Variants in CADM2 observed in about 807,000 individuals in gnomAD.
CADM2 encodes the protein immunoglobulin superfamily member 4D.
In CADM2, 12 loss-of-function variants were observed where a neutral mutation model predicts 49.8. That is an observed-to-expected ratio of 0.24 (90% CI 0.15 to 0.39). The LOEUF (loss-of-function observed/expected upper bound fraction) is 0.39, where lower values mean the gene tolerates loss of function less well. Ranked by LOEUF, CADM2 falls within the 10% of genes least tolerant of loss-of-function variation. The pLI, the probability that CADM2 is intolerant of heterozygous loss-of-function variation, is 1.00. For synonymous variants in CADM2, 214 were observed against 175.4 expected, an observed-to-expected ratio of 1.22 and a Z score of -1.74; for missense variants, 378 against 492.3, an observed-to-expected ratio of 0.77 and a Z score of 2.20.
intron 1 of CADM2, among the ~76,000 whole-genome samples, chr3:85,580,659 A>G (rs1040455271): frequency 3.9e-5 from 6 of 152,144 alleles, no homozygotes; most frequent in African/African-American, 1.4e-4. Flanking sequence ...CCTGGTATCA[A>G]ATAAAAGTCT....
intron 1 of CADM2, among the ~76,000 whole-genome samples, chr3:84,988,850 G>T: frequency 6.6e-6 from 1 of 152,018 alleles, no homozygotes; most frequent in African/African-American, 2.4e-5. Flanking sequence ...TTAAATAAAA[G>T]ATACAGCTAA....
intron 1 of CADM2, among the ~76,000 whole-genome samples, chr3:85,636,339 A>T (rs1344581600): frequency 6.6e-6 from 1 of 152,220 alleles, no homozygotes; most frequent in Non-Finnish European, 1.5e-5. Context: ...CTTAAAAAAT[A>T]AAAAGGTTAC....
At chr3:85,348,477 G>GA (rs2030998097) in intron 1 of CADM2, among the ~76,000 whole-genome samples, 1 of 152,132 alleles carries the variant, frequency 6.6e-6, no homozygotes, top group African/African-American at 2.4e-5. Context: ...TTTATCACAA[G>GA]AAAATTTATG....
chr3:85,312,183 A>G (rs1305515646), intron 1 of CADM2, among the ~76,000 whole-genome samples: 1 of 152,174 alleles, frequency 6.6e-6, no homozygotes, highest in African/African-American at 2.4e-5. Flanking sequence ...CTTCATTGTT[A>G]AAATACCAAT....
intron 1 of CADM2, among the ~76,000 whole-genome samples, chr3:85,217,486 T>C (rs1215194322): frequency 6.6e-6 from 1 of 152,074 alleles, no homozygotes; most frequent in Non-Finnish European, 1.5e-5. Flanking sequence ...TATTGTAATT[T>C]GTAATTGAAA....
At chr3:85,999,860 A>C (rs1729949863) in intron 8 of CADM2, among the ~76,000 whole-genome samples, 1 of 152,196 alleles carries the variant, frequency 6.6e-6, no homozygotes, top group Non-Finnish European at 1.5e-5. Flanking sequence ...ATGTTGTCTG[A>C]GAAGAAAATG....
chr3:85,987,778 AGTT>A, intron 8 of CADM2, among the ~76,000 whole-genome samples: 1 of 150,582 alleles, frequency 6.6e-6, no homozygotes, highest in South Asian at 2.1e-4. Flanking sequence ...GGCTAAAGTG[AGTT>A]ATTATTAATC....
At chr3:85,936,271 A>G (rs987999574) in intron 7 of CADM2, among the ~76,000 whole-genome samples, 3 of 151,868 alleles carry the variant, frequency 2.0e-5, no homozygotes, top group African/African-American at 7.2e-5. Context: ...TCATAAAAGG[A>G]AAATCGAATC....
intron 1 of CADM2, among the ~76,000 whole-genome samples, chr3:85,315,329 C>T (rs1042852283): frequency 1.3e-5 from 2 of 152,144 alleles, no homozygotes; most frequent in Admixed American, 6.5e-5. Flanking sequence ...ATCATCTTGA[C>T]GAATATATGT....
chr3:85,961,316 GTGAGTGTGTGA>G (rs1359847320), intron 7 of CADM2, among the ~76,000 whole-genome samples, 142 bp from the exon 8 acceptor site: 7 of 151,830 alleles, frequency 4.6e-5, no homozygotes, highest in African/African-American at 1.7e-4. Flanking sequence ...ACTCTTTTGA[GTGAGTGTGTGA>G]TGGTCCTTTT....
At chr3:86,062,783 A>C (rs1738832247) in intron 8 of CADM2, among the ~76,000 whole-genome samples, 1 of 151,884 alleles carries the variant, frequency 6.6e-6, no homozygotes, top group African/African-American at 2.4e-5. Flanking sequence ...CAAAACATAA[A>C]ACGAAACATA....
chr3:85,122,905 G>A (rs1363188544), intron 1 of CADM2, among the ~76,000 whole-genome samples: 13 of 151,968 alleles, frequency 8.6e-5, no homozygotes. Context: ...ATTCCTCTCA[G>A]AAAAGCTTCC....
intron 7 of CADM2, among the ~76,000 whole-genome samples, chr3:85,943,919 A>G (rs1231254893): frequency 6.6e-6 from 1 of 152,034 alleles, no homozygotes; most frequent in Non-Finnish European, 1.5e-5. Flanking sequence ...TTCACACATA[A>G]CAATATTAAC....
At chr3:85,273,323 A>G (rs1218990513) in intron 1 of CADM2, among the ~76,000 whole-genome samples, 1 of 151,334 alleles carries the variant, frequency 6.6e-6, no homozygotes, top group East Asian at 1.9e-4. Flanking sequence ...GCAGTGGAAG[A>G]TTTTGAATAG....
At chr3:85,200,981 A>C (rs1347100020) in intron 1 of CADM2, among the ~76,000 whole-genome samples, 1 of 152,182 alleles carries the variant, frequency 6.6e-6, no homozygotes, top group African/African-American at 2.4e-5. Context: ...TTACATGTGC[A>C]TAATTAAATA....
chr3:85,455,819 G>A lies in CADM2; in HGVS notation c.62-270703G>A, dbSNP rs147115860. ...AATTATGTGATTGGCTTCGGCATGG[G>A]CATGAGAAAGTGGGTATGAGTGTGT... On this transcript the variant is annotated intron_variant, in intron 1 of 9. Transcript: ENST00000383699. Among the ~76,000 whole-genome samples the A allele has an allele frequency of 5.4e-4, 82 of 152,238 alleles. 1 individual carries two copies. In the East Asian group the frequency reaches 0.015, roughly 28 times the overall value.
intron 1 of CADM2, among the ~76,000 whole-genome samples, chr3:85,341,786 A>G (rs1429133087): frequency 2.6e-5 from 4 of 152,128 alleles, no homozygotes; most frequent in African/African-American, 7.2e-5. Flanking sequence ...TTAATCATTC[A>G]TTCAATCAGT....
At chr3:86,015,045 G>A (rs1732037260) in intron 8 of CADM2, 1 of 820,912 alleles carries the variant, frequency 1.2e-6, no homozygotes, top group Admixed American at 1.9e-5. Context: ...GGATTTAATG[G>A]CGGACACACA....
intron 1 of CADM2, among the ~76,000 whole-genome samples, chr3:85,356,785 CTT>C (rs1236021812): frequency 6.6e-6 from 1 of 151,964 alleles, no homozygotes; most frequent in Non-Finnish European, 1.5e-5. Context: ...TTTATGAAGA[CTT>C]TGAAAAAGAG....
Sources: gnomAD v4.1 joint callset for allele counts (sites outside exome capture counted in the v4.1 genomes callset) on GRCh38, gnomAD v4.1.1 for gene constraint, MANE v1.5 for transcripts, NCBI Gene and HGNC (gene_info 2026-07-23, HGNC 2026-07-21) for gene names.